The following PKD1L3 variants were observed in gnomAD, a reference collection of about 807,000 sequenced individuals.
PKD1L3 encodes the protein polycystin-1-like protein 3.
Under a neutral mutation model 184.1 loss-of-function variants are expected in PKD1L3, and 239 were observed. The ratio of observed to expected loss-of-function variants is 1.30; its 90% CI spans 1.17 to 1.45. The LOEUF (loss-of-function observed/expected upper bound fraction) is 1.45. Ranked by LOEUF, PKD1L3 falls within the 40% of genes most tolerant of loss-of-function variation. PKD1L3 has a pLI of 0.00. For missense variants in PKD1L3, 2,660 were observed against 2,067.2 expected (o/e 1.29, Z -5.56); for synonymous variants, 996 against 778.8 (o/e 1.28, Z -4.64).
Position 71,954,299 on chromosome 16 carries a change from T to A in PKD1L3, c.2615A>T (p.His872Leu). Residue 872 changes from histidine to leucine, a missense_variant and splice_region_variant, in exon 17 of 30, where the codon CAT becomes CTT. By Grantham distance (99) the His-to-Leu change is moderately conservative (BLOSUM62 -3). Coordinates refer to ENST00000620267, the MANE Select transcript of PKD1L3 (RefSeq NM_181536.2). ...VSKRELFSFRHLFSSMIVEKF... is the reference protein window; with the variant it reads ...VSKRELFSFRLLFSSMIVEKF... ...TTCCACAATCATGGAGGAAAACAGATGTCTGAAAAGAGAAATCAGAAGAGG... is the reference window on the plus strand; with the variant it reads ...TTCCACAATCATGGAGGAAAACAGAAGTCTGAAAAGAGAAATCAGAAGAGG... 6.5e-7 allele frequency: 1 copy of A among 1,529,492 alleles called. No homozygotes were observed. The highest frequency in any genetic ancestry group is 8.8e-7 in the Non-Finnish European group (1 of 1,136,750). 94.7% of individuals were successfully genotyped at this position (1,529,492 alleles called of 1,614,324 possible). A position where few individuals can be genotyped will look rare whatever the true frequency, so the allele number is the denominator to read the frequency against.
intron 12 of PKD1L3, among the ~76,000 whole-genome samples, chr16:71,972,419 C>A (rs532628777): frequency 3.6e-4 from 54 of 151,998 alleles, no homozygotes; most frequent in African/African-American, 1.2e-3. Context: ...CATCATCATC[C>A]TCCTCCTCCT....
intron 12 of PKD1L3, 130 bp from the exon 13 acceptor site, chr16:71,970,235 G>T: frequency 1.4e-6 from 1 of 701,822 alleles, no homozygotes; most frequent in Non-Finnish European, 2.4e-6. Context: ...TGGTGATGGC[G>T]TAAATTGGTA....
intron 4 of PKD1L3, among the ~76,000 whole-genome samples, chr16:71,990,012 T>C (rs1046704044): frequency 6.6e-6 from 1 of 150,444 alleles, no homozygotes. Flanking sequence ...GAGGTAGAGG[T>C]TGCAGTGAGC....
At chr16:71,965,305 T>A (rs2039460070) in intron 15 of PKD1L3, among the ~76,000 whole-genome samples, 1 of 152,250 alleles carries the variant, frequency 6.6e-6, no homozygotes, top group Admixed American at 6.5e-5. Flanking sequence ...TTGTGATGTT[T>A]TCTGTTTTGG....
At chr16:71,943,468 G>A (rs750891260) in intron 23 of PKD1L3, among the ~76,000 whole-genome samples, 8 of 137,662 alleles carry the variant, frequency 5.8e-5, no homozygotes, top group South Asian at 2.3e-4. Context: ...AACCCAGGAG[G>A]CACAGGATGC....
Position 71,942,773 on chromosome 16 carries a change from G to C in PKD1L3, c.4111C>G (p.Arg1371Gly), listed in dbSNP as rs752124171. The change falls in exon 24 of 30, where the codon CGT becomes GGT. Residue 1371 changes from arginine to glycine, a missense_variant. Transcript: ENST00000620267. ...CGVQLIFQIP[R>G]TKTYEKVDEG... The stretch of plus-strand genomic sequence containing the variant: ...TCCACTTTCTCATAGGTCTTGGTAC[G>C]GGGTATTTGGAAAATTAATTGTACC... 6.4e-7 allele frequency: 1 copy of C among 1,551,460 alleles called. No homozygotes were observed. Among genetic ancestry groups the C allele is most frequent in the Admixed American group, 2.0e-5 (1 of 50,974 alleles).
At chr16:71,962,658 T>C (rs1052472591) in intron 16 of PKD1L3, among the ~76,000 whole-genome samples, 9 of 152,064 alleles carry the variant, frequency 5.9e-5, no homozygotes, top group Non-Finnish European at 1.2e-4. Context: ...GGCTAATTTT[T>C]GTATTTTTAG....
At chr16:71,978,831 T>C (rs900092894) in intron 9 of PKD1L3, among the ~76,000 whole-genome samples, 12 of 152,076 alleles carry the variant, frequency 7.9e-5, no homozygotes, top group Non-Finnish European at 1.3e-4. Flanking sequence ...TGAGCTATCA[T>C]GCCCAGCCGG....
intron 28 of PKD1L3, 74 bp from the exon 29 acceptor site, chr16:71,930,257 G>C: frequency 1.4e-6 from 2 of 1,380,664 alleles, no homozygotes; most frequent in East Asian, 2.5e-5. Flanking sequence ...CTATATGCTA[G>C]TGTTTGGGAT....
At chr16:71,947,291 G>A (rs1011502598) in intron 22 of PKD1L3, among the ~76,000 whole-genome samples, 2 of 152,042 alleles carry the variant, frequency 1.3e-5, no homozygotes, top group African/African-American at 4.8e-5. Flanking sequence ...GCAGGGGAGA[G>A]ATGAAGCACT....
At chr16:71,959,459 A>G (rs1010317565) in intron 16 of PKD1L3, among the ~76,000 whole-genome samples, 3 of 152,112 alleles carry the variant, frequency 2.0e-5, no homozygotes, top group African/African-American at 4.8e-5. Flanking sequence ...AATACAGAAA[A>G]CTAGAATAAA....
At chr16:71,938,848 T>G (rs917703015) in intron 24 of PKD1L3, among the ~76,000 whole-genome samples, 1 of 152,214 alleles carries the variant, frequency 6.6e-6, no homozygotes, top group Non-Finnish European at 1.5e-5. Flanking sequence ...CACCCTCCAG[T>G]TGTCAGTGTA....
chr16:71,981,874 G>A (rs1427050711), intron 7 of PKD1L3, among the ~76,000 whole-genome samples, 185 bp downstream of exon 7: 1 of 152,218 alleles, frequency 6.6e-6, no homozygotes, highest in Admixed American at 6.5e-5. Flanking sequence ...CAGCACTAGG[G>A]AGTCTTGGCT....
intron 18 of PKD1L3, among the ~76,000 whole-genome samples, chr16:71,952,396 T>C (rs992585853): frequency 6.6e-6 from 1 of 151,194 alleles, no homozygotes; most frequent in African/African-American, 2.4e-5. Context: ...TTTTTTTGTC[T>C]TTTTAGTAGA....
chr16:71,951,319 C>A (rs1316719331), intron 19 of PKD1L3, among the ~76,000 whole-genome samples: 1 of 152,230 alleles, frequency 6.6e-6, no homozygotes, highest in African/African-American at 2.4e-5. Context: ...GGATTACAGG[C>A]GTGACCCACA....
intron 16 of PKD1L3, among the ~76,000 whole-genome samples, chr16:71,956,078 G>T (rs545541369): frequency 1.3e-5 from 2 of 151,462 alleles, no homozygotes; most frequent in African/African-American, 4.9e-5. Context: ...GGCTGGTCTC[G>T]AACTCCTGAG....
At chr16:71,946,990 C>T (rs2038642127) in intron 22 of PKD1L3, among the ~76,000 whole-genome samples, 1 of 150,920 alleles carries the variant, frequency 6.6e-6, no homozygotes, top group African/African-American at 2.4e-5. Context: ...GGGGCGGTGG[C>T]TCACGCCTGT....
At chr16:71,956,585 T>C (rs1277184510) in intron 16 of PKD1L3, among the ~76,000 whole-genome samples, 2 of 152,098 alleles carry the variant, frequency 1.3e-5, no homozygotes, top group Non-Finnish European at 2.9e-5. Context: ...GACAGACAAA[T>C]ACTGTATGGT....
intron 4 of PKD1L3, among the ~76,000 whole-genome samples, chr16:71,988,188 C>A (rs1466701432): frequency 6.6e-6 from 1 of 152,040 alleles, no homozygotes; most frequent in Non-Finnish European, 1.5e-5. Flanking sequence ...TGTAAAAGTT[C>A]ATTTGTAAAT....
Sources: gnomAD v4.1 joint callset for allele counts (sites outside exome capture counted in the v4.1 genomes callset) on GRCh38, gnomAD v4.1.1 for gene constraint, MANE v1.5 for transcripts, NCBI Gene and HGNC (gene_info 2026-07-23, HGNC 2026-07-21) for gene names.